CDK12: variants seen among roughly 807,000 people sequenced by gnomAD.
CDK12 encodes the protein cyclin dependent kinase 12, also known as cyclin-dependent kinase 12.
Under a neutral mutation model 133.8 loss-of-function variants are expected in CDK12, and 17 were observed. The observed-to-expected ratio is 0.13, with a 90% CI of 0.09 to 0.19. The LOEUF is 0.19. Ranked by LOEUF, CDK12 falls within the 10% of genes least tolerant of loss-of-function variation. The probability of loss-of-function intolerance (pLI) is 1.00; values close to 1 mark genes in which losing one functional copy is unlikely to be tolerated. For synonymous variants in CDK12, 694 were observed against 683.6 expected, an observed-to-expected ratio of 1.02 and a Z score of -0.24; for missense variants, 1,508 against 1,818.7, an observed-to-expected ratio of 0.83 and a Z score of 3.11.
intron 3 of CDK12, among the ~76,000 whole-genome samples, chr17:39,560,125 G>A (rs972213533): frequency 4.6e-5 from 7 of 152,162 alleles, no homozygotes; most frequent in African/African-American, 1.7e-4. Context: ...ATAATTCCCT[G>A]AGATCTGAGT....
downstream of CDK12, among the ~76,000 whole-genome samples, chr17:39,566,369 C>A (rs2056574434): frequency 6.6e-6 from 1 of 152,052 alleles, no homozygotes; most frequent in Non-Finnish European, 1.5e-5. Context: ...CTATAAAAAT[C>A]AAAATCAAAC....
intron 1 of CDK12, among the ~76,000 whole-genome samples, chr17:39,540,929 T>C (rs1487147248): frequency 6.6e-6 from 1 of 152,200 alleles, no homozygotes; most frequent in Non-Finnish European, 1.5e-5. Context: ...TGATTGCAGC[T>C]GAGAGGAAGG....
intron 2 of CDK12, among the ~76,000 whole-genome samples, chr17:39,473,982 A>G (rs970271156): frequency 6.6e-6 from 1 of 152,112 alleles, no homozygotes; most frequent in African/African-American, 2.4e-5. Context: ...GCTTGAACTC[A>G]GGAGGCAGAG....
At chr17:39,465,936 G>A (rs1170994926) in intron 1 of CDK12, among the ~76,000 whole-genome samples, 1 of 152,172 alleles carries the variant, frequency 6.6e-6, no homozygotes, top group East Asian at 1.9e-4. Flanking sequence ...ACTAAAAGGA[G>A]TTTCAGTAAG....
Position 39,462,650 on chromosome 17 carries a change from G to A in CDK12, c.579G>A (p.Gly193=), listed in dbSNP as rs2144888919. 1.9e-6 allele frequency: 3 copies of A among 1,614,054 alleles called. No homozygotes were observed. Among genetic ancestry groups the A allele is most frequent in the Non-Finnish European group, 2.5e-6 (3 of 1,180,014 alleles). ...GGAAAGAACGGGAGCTGAAGTCTGG[G>A]CACAAAGACCGGAGTAAAAGTCATC... ...KTRKERELKS[G]HKDRSKSHRK... Residue 193 remains glycine (G), a synonymous_variant, in exon 1 of 14, where the codon GGG becomes GGA. Transcript: ENST00000447079.
At chr17:39,507,855 T>C (rs2053232295) in intron 6 of CDK12, among the ~76,000 whole-genome samples, 1 of 152,226 alleles carries the variant, frequency 6.6e-6, no homozygotes, top group Non-Finnish European at 1.5e-5. Flanking sequence ...GCTTATAAAT[T>C]GAACTTAATG....
chr17:39,557,727 A>C (rs753068371), intron 3 of CDK12, among the ~76,000 whole-genome samples: 4 of 152,164 alleles, frequency 2.6e-5, no homozygotes, highest in Non-Finnish European at 5.9e-5. Flanking sequence ...TTACTTTTCC[A>C]GGCCTCTTCC....
At chr17:39,471,897 G>A (rs2049824930) in intron 2 of CDK12, 134 bp downstream of exon 2, 1 of 804,892 alleles carries the variant, frequency 1.2e-6, no homozygotes, top group Non-Finnish European at 1.9e-6. Context: ...GGGAAAGTCT[G>A]TAATTATGAC....
At chr17:39,501,572 G>A (rs1256131477) in intron 6 of CDK12, 133 bp downstream of exon 6, 5 of 590,380 alleles carry the variant, frequency 8.5e-6, no homozygotes, top group South Asian at 2.4e-5. Context: ...TATTTCCTAC[G>A]TTCAGTGTGG....
chr17:39,476,945 C>A (rs754741683), intron 2 of CDK12, among the ~76,000 whole-genome samples: 1 of 150,814 alleles, frequency 6.6e-6, no homozygotes, highest in Non-Finnish European at 1.5e-5. Flanking sequence ...AACTCCTGAC[C>A]TTAAATGATC....
intron 5 of CDK12, among the ~76,000 whole-genome samples, chr17:39,496,912 C>CTTTTTT (rs71147349): frequency 1.6e-4 from 14 of 87,820 alleles, no homozygotes; most frequent in African/African-American, 4.3e-4. Flanking sequence ...TTCAGTATAT[C>CTTTTTT]TTTTTTTTTT....
At chr17:39,480,176 G>A (rs2050530660) in intron 2 of CDK12, among the ~76,000 whole-genome samples, 1 of 152,004 alleles carries the variant, frequency 6.6e-6, no homozygotes, top group South Asian at 2.1e-4. Flanking sequence ...CACTCATCTG[G>A]GCCTCCCAAA....
intron 8 of CDK12, among the ~76,000 whole-genome samples, chr17:39,512,125 C>G (rs1251175920): frequency 6.6e-6 from 1 of 152,074 alleles, no homozygotes; most frequent in Non-Finnish European, 1.5e-5. Context: ...GTTGCCCATT[C>G]TGGAGTCCAG....
chr17:39,463,143 C>T (rs926572828), intron 1 of CDK12, 26 bp downstream of exon 1: 6 of 1,596,464 alleles, frequency 3.8e-6, no homozygotes, highest in Non-Finnish European at 5.1e-6. Context: ...AACAGTCCTT[C>T]CTCATTTAGG....
At chr17:39,485,149 G>A (rs11650776) in intron 2 of CDK12, among the ~76,000 whole-genome samples, 92,447 of 145,356 alleles carry the variant, frequency 0.64, 31,852 homozygotes, top group South Asian at 0.89. Context: ...CAGCCTGGGC[G>A]ACAGGGCGAG....
chr17:39,515,937 G>T (rs2053773696), intron 9 of CDK12, 129 bp downstream of exon 9: 4 of 582,266 alleles, frequency 6.9e-6, no homozygotes, highest in Non-Finnish European at 9.0e-6. Context: ...TCTTTACTCA[G>T]TCAGGTTTAC....
intron 2 of CDK12, among the ~76,000 whole-genome samples, chr17:39,484,666 T>G (rs1038230403): frequency 1.3e-5 from 2 of 152,086 alleles, no homozygotes; most frequent in African/African-American, 4.8e-5. Context: ...ATGCTAAAAA[T>G]GTAATATTTT....
intron 13 of CDK12, among the ~76,000 whole-genome samples, chr17:39,528,063 C>G (rs2054599619): frequency 6.6e-6 from 1 of 151,016 alleles, no homozygotes; most frequent in Non-Finnish European, 1.5e-5. Flanking sequence ...TTACAGGCAC[C>G]TGCCACCACA....
intron 2 of CDK12, among the ~76,000 whole-genome samples, chr17:39,479,092 AG>A (rs1383408171): frequency 6.6e-6 from 1 of 152,020 alleles, no homozygotes; most frequent in Non-Finnish European, 1.5e-5. Flanking sequence ...GCAGATCACG[AG>A]GTCAGGAGAT....
Sources: allele counts gnomAD v4.1 joint callset (sites outside exome capture counted in the v4.1 genomes callset), GRCh38; gene constraint gnomAD v4.1.1; transcripts MANE v1.5; gene names NCBI Gene and HGNC (gene_info 2026-07-23, HGNC 2026-07-21).